The following PLEKHA7 variants were observed in gnomAD, a reference collection of about 807,000 sequenced individuals.
PLEKHA7 encodes the protein pleckstrin homology domain containing A7, also known as pleckstrin homology domain-containing family A member 7.
PLEKHA7 carries 104 observed loss-of-function variants against 170.0 expected under a neutral mutation model. The ratio of observed to expected loss-of-function variants is 0.61; its 90% confidence interval spans 0.52 to 0.72. The LOEUF (loss-of-function observed/expected upper bound fraction) is 0.72. PLEKHA7 is among the 30% of genes least tolerant of loss of function. The pLI is 0.00. For missense variants in PLEKHA7, 1,615 were observed against 1,671.7 expected (o/e 0.97, Z 0.59); for synonymous variants, 648 against 660.8 (o/e 0.98, Z 0.30).
Position 16,817,185 on chromosome 11 carries a change from T to G in PLEKHA7, c.1481A>C (p.Asp494Ala), listed in dbSNP as rs760585935. 1 of 1,614,168 alleles carries G rather than the reference T, an allele frequency of 6.2e-7. No individual in the cohort carries two copies. The highest frequency in any genetic ancestry group is 8.5e-7 in the Non-Finnish European group (1 of 1,180,022). The change falls in exon 11 of 27, where the codon GAC (aspartate) becomes GCC (alanine). Residue 494 changes from aspartate (D) to alanine (A), a missense_variant. Transcript: ENST00000531066. This position sits in a 1 kb window ranked among gnomAD's most constrained non-coding sequence, Gnocchi z 4.4. ...GGCTCGGTCCTGCGCATACTTGTAG[T>G]CACTTGGCAGGTTTCGGGGAGGTGG... ...SSPPPRNLPSDYKYAQDRASH... is the reference protein window; with the variant it reads ...SSPPPRNLPSAYKYAQDRASH...
At chr11:16,889,420 A>AAAAATATAT (rs61086849) in intron 3 of PLEKHA7, among the ~76,000 whole-genome samples, 16 of 74,682 alleles carry the variant, frequency 2.1e-4, no homozygotes, top group Non-Finnish European at 2.1e-4. Context: ...AAAAAAAAAA[A>AAAAATATAT]ATATATATAT....
chr11:17,011,692 G>C (rs1013774138), intron 3 of PLEKHA7, among the ~76,000 whole-genome samples: 5 of 152,054 alleles, frequency 3.3e-5, no homozygotes, highest in Admixed American at 2.0e-4. Flanking sequence ...TCTCTCTTCT[G>C]TCTGTACTCT....
intron 11 of PLEKHA7, 138 bp downstream of exon 11, chr11:16,816,662 C>T (rs1374589234): frequency 1.9e-6 from 2 of 1,048,696 alleles, no homozygotes; most frequent in African/African-American, 3.2e-5. Context: ...CTGTGCCTGG[C>T]ATCTATTATT....
chr11:16,824,343 A>C (rs1203797086), intron 10 of PLEKHA7, among the ~76,000 whole-genome samples: 1 of 152,244 alleles, frequency 6.6e-6, no homozygotes, highest in East Asian at 1.9e-4. Flanking sequence ...CCTGGTCAAC[A>C]TAGCAAGATT....
At chr11:16,887,399 C>T (rs1475556714) in intron 3 of PLEKHA7, among the ~76,000 whole-genome samples, 5 of 104,662 alleles carry the variant, frequency 4.8e-5, no homozygotes, top group South Asian at 2.7e-4. Flanking sequence ...CCTCTCCCCA[C>T]GGTCTCCCTC....
intron 12 of PLEKHA7, among the ~76,000 whole-genome samples, chr11:16,814,064 C>A (rs991365739): frequency 1.3e-5 from 2 of 152,308 alleles, no homozygotes; most frequent in Middle Eastern, 6.8e-3. Flanking sequence ...TGAGGTAAGA[C>A]AGTCACACAG....
At chr11:16,794,867 C>A in intron 18 of PLEKHA7, 43 bp downstream of exon 18, 3 of 1,399,738 alleles carry the variant, frequency 2.1e-6, no homozygotes, top group Non-Finnish European at 3.0e-6. Flanking sequence ...CACCACCCTG[C>A]CCCCAATCAG....
intron 4 of PLEKHA7, among the ~76,000 whole-genome samples, chr11:16,865,090 C>T (rs561213586): frequency 2.0e-5 from 3 of 152,276 alleles, no homozygotes; most frequent in African/African-American, 7.2e-5. Context: ...AGGGGAATAT[C>T]AATTGCTCAA....
At chr11:16,781,729 C>T (rs968796219) in intron 26 of PLEKHA7, among the ~76,000 whole-genome samples, 1 of 152,160 alleles carries the variant, frequency 6.6e-6, no homozygotes, top group Admixed American at 6.5e-5. Context: ...TCTCATGGCC[C>T]TCTGGGGCCA....
chr11:16,856,118 T>C (rs1184487140), intron 4 of PLEKHA7, among the ~76,000 whole-genome samples: 5 of 152,150 alleles, frequency 3.3e-5, no homozygotes, highest in African/African-American at 7.2e-5. Flanking sequence ...AGATGACAGA[T>C]AGGCACATCT....
intron 8 of PLEKHA7, among the ~76,000 whole-genome samples, chr11:16,850,595 G>A (rs1044636352): frequency 2.6e-5 from 4 of 152,178 alleles, no homozygotes; most frequent in Non-Finnish European, 5.9e-5. Flanking sequence ...GTGCTACAGG[G>A]CAAAACTACC....
chr11:16,833,465 C>T (rs1405500654), intron 9 of PLEKHA7, among the ~76,000 whole-genome samples: 1 of 152,192 alleles, frequency 6.6e-6, no homozygotes, highest in Non-Finnish European at 1.5e-5. Flanking sequence ...CCTGGGTAAG[C>T]CATGCCACCA....
intron 24 of PLEKHA7, among the ~76,000 whole-genome samples, chr11:16,785,235 G>C (rs1219724308): frequency 1.3e-5 from 2 of 152,224 alleles, no homozygotes; most frequent in African/African-American, 2.4e-5. Context: ...GGAAGACACA[G>C]GTCCTCCTCA....
intron 13 of PLEKHA7, among the ~76,000 whole-genome samples, chr11:16,808,580 G>C (rs1345023851): frequency 6.6e-6 from 1 of 152,210 alleles, no homozygotes; most frequent in Non-Finnish European, 1.5e-5. Context: ...GTCAGGAAGA[G>C]TCCAGATTCC....
At chr11:16,842,814 C>G (rs1230635802) in intron 8 of PLEKHA7, among the ~76,000 whole-genome samples, 1 of 152,154 alleles carries the variant, frequency 6.6e-6, no homozygotes, top group Non-Finnish European at 1.5e-5. Flanking sequence ...TATGTGTCTC[C>G]TAGGTACTTC....
chr11:16,839,279 C>T (rs76449828), intron 9 of PLEKHA7, among the ~76,000 whole-genome samples: 1,855 of 151,948 alleles, frequency 0.012, 42 homozygotes, highest in African/African-American at 0.042. Flanking sequence ...AGTCCACATA[C>T]GTATATAAAT....
chr11:16,833,614 T>C (rs963393249), intron 9 of PLEKHA7, among the ~76,000 whole-genome samples: 2 of 152,202 alleles, frequency 1.3e-5, no homozygotes, highest in African/African-American at 4.8e-5. Context: ...TGTTACCATA[T>C]GCTAGGCCCT....
At chr11:16,906,273 AGG>A (rs1857674984) in intron 3 of PLEKHA7, among the ~76,000 whole-genome samples, 3 of 116,050 alleles carry the variant, frequency 2.6e-5, no homozygotes, top group Non-Finnish European at 5.6e-5. Flanking sequence ...GAAGGAAGGA[AGG>A]AAGGAAAGAA....
chr11:16,930,090 G>A (rs1048446132), intron 3 of PLEKHA7, among the ~76,000 whole-genome samples: 5 of 152,148 alleles, frequency 3.3e-5, no homozygotes, highest in African/African-American at 1.2e-4. Flanking sequence ...ATGCTTTGGC[G>A]CAAGGCTGTT....
Sources: gnomAD v4.1 joint callset for allele counts (sites outside exome capture counted in the v4.1 genomes callset) on GRCh38, gnomAD v4.1.1 for gene constraint, Gnocchi (gnomAD v3.1) non-coding constraint, MANE v1.5 for transcripts, NCBI Gene and HGNC (gene_info 2026-07-23, HGNC 2026-07-21) for gene names.